CNGA1: variants seen among roughly 807,000 people sequenced by gnomAD.
CNGA1 encodes the protein cyclic nucleotide gated channel subunit alpha 1.
Under a neutral mutation model 69.7 loss-of-function variants are expected in CNGA1, and 53 were observed. That is an observed-to-expected ratio of 0.76 (90% confidence interval 0.61 to 0.96). The LOEUF (loss-of-function observed/expected upper bound fraction) is 0.96, where lower values mean the gene tolerates loss of function less well. Ranked by LOEUF, CNGA1 falls within the 40% of genes least tolerant of loss-of-function variation. CNGA1 has a pLI of 0.00. For missense variants in CNGA1, 739 were observed against 811.2 expected (o/e 0.91, Z 1.08); for synonymous variants, 249 against 283.5 (o/e 0.88, Z 1.22).
chr4:47,945,884 G>C (rs1355268998), intron 6 of CNGA1, among the ~76,000 whole-genome samples: 1 of 152,006 alleles, frequency 6.6e-6, no homozygotes, highest in Non-Finnish European at 1.5e-5. Flanking sequence ...CCCAATTGCA[G>C]CTGACATGTC....
At position 47,971,918 on chromosome 4, in the gene CNGA1, AAC is replaced by A. The variant is rs1491266903; in HGVS notation, c.-15+9473_-15+9474del. ...AAAACAAACAAACAAACAAACAAAC[AAC>A]AACAACAACAACAAAAACCACTGTA... On this transcript the variant is annotated intron_variant, in intron 3 of 10. Transcript: ENST00000514170. Among the ~76,000 whole-genome samples, 7 of 28,514 alleles carry A rather than the reference AAC, an allele frequency of 2.5e-4. No homozygotes were observed. The South Asian group carries it at 5.5e-3, about 22-fold the overall frequency. The allele number at this position is 28,514 out of a possible 152,430, so 18.7% of individuals were successfully genotyped here. A position where few individuals can be genotyped will look rare whatever the true frequency, so the allele number is the denominator to read the frequency against.
chr4:47,976,341 A>G lies in CNGA1; in HGVS notation c.-15+5052T>C, dbSNP rs1050834019. Among the ~76,000 whole-genome samples the G allele has an allele frequency of 8.8e-3, 156 of 17,818 alleles. 5 individuals carry two copies. Among genetic ancestry groups the G allele is most frequent in the Non-Finnish European group, 0.017 (108 of 6,470 alleles). 11.7% of individuals were successfully genotyped at this position (17,818 alleles called of 152,430 possible). A position where few individuals can be genotyped will look rare whatever the true frequency, so the allele number is the denominator to read the frequency against. On this transcript the variant is annotated intron_variant, in intron 3 of 10. Transcript: ENST00000514170. ...TATATATGTATATATATATATACAC[A>G]TATATATATATATGTATATGTGTTT...
rs114987362 is a variant in CNGA1 at position 47,965,330 on chromosome 4, T to C, written c.-14-12627A>G. ...TTTATTAAAGTCTCCTTTGCTCTCA[T>C]AGAAATAATCATATTTTCCTGTGAA... On this transcript the variant is annotated intron_variant, in intron 3 of 10. Coordinates refer to ENST00000514170, the MANE Select transcript of CNGA1 (RefSeq NM_001379270.1). Among the ~76,000 whole-genome samples the C allele has an allele frequency of 9.0e-3, 1,377 of 152,290 alleles. 18 individuals carry two copies. Among genetic ancestry groups the C allele is most frequent in the African/African-American group, 0.03 (1,262 of 41,568 alleles).
At chr4:47,995,531 A>G (rs1742442699) in intron 2 of CNGA1, among the ~76,000 whole-genome samples, 2 of 146,324 alleles carry the variant, frequency 1.4e-5, no homozygotes, top group South Asian at 4.4e-4. Flanking sequence ...CTATTTCATT[A>G]TTTCTCCCTT....
At chr4:47,994,375 A>G (rs1742395408) in intron 2 of CNGA1, among the ~76,000 whole-genome samples, 1 of 152,126 alleles carries the variant, frequency 6.6e-6, no homozygotes, top group African/African-American at 2.4e-5. Flanking sequence ...AGGCGCATAT[A>G]TGTTTAGGAT....
chr4:47,980,638 G>T (rs1182224428), intron 3 of CNGA1, among the ~76,000 whole-genome samples: 1 of 151,544 alleles, frequency 6.6e-6, no homozygotes, highest in Non-Finnish European at 1.5e-5. Context: ...CCACACCTGG[G>T]CTAATTTTTG....
intron 2 of CNGA1, among the ~76,000 whole-genome samples, chr4:47,994,822 T>A (rs1216634789): frequency 6.6e-6 from 1 of 152,188 alleles, no homozygotes; most frequent in Non-Finnish European, 1.5e-5. Context: ...GTTCCCAGGA[T>A]TTGTTTCAAT....
In CNGA1 at chr4:47,936,593, A is replaced by C. The variant is rs199992510; in HGVS notation, c.1889T>G (p.Val630Gly). 15 of 1,614,210 alleles carry C rather than the reference A, an allele frequency of 9.3e-6. No homozygotes were observed. The highest frequency in any genetic ancestry group is 1.0e-5 in the Non-Finnish European group (12 of 1,180,028). The change falls in exon 11 of 11, where the codon GTA (valine) becomes GGA (glycine). Residue 630 changes from valine to glycine, a missense_variant. Physicochemically the swap from Val to Gly is moderately radical, Grantham distance 109. Transcript: ENST00000514170. The part of the protein sequence containing the change: ...EEKVTRMEGS[V>G]DLLQTRFARI... Reference sequence around the variant, plus strand: ...GGCAAACCTGGTTTGCAGGAGGTCTACTGACCCCTCCATTCGAGTAACCTT... The same window carrying C: ...GGCAAACCTGGTTTGCAGGAGGTCTCCTGACCCCTCCATTCGAGTAACCTT...
chr4:47,991,121 G>A (rs1297686447), intron 2 of CNGA1, among the ~76,000 whole-genome samples: 1 of 152,194 alleles, frequency 6.6e-6, no homozygotes, highest in Non-Finnish European at 1.5e-5. Context: ...ATAAGCATGA[G>A]TGTGCAAGTA....
At chr4:47,966,345 G>A (rs1029308423) in intron 3 of CNGA1, among the ~76,000 whole-genome samples, 2 of 152,120 alleles carry the variant, frequency 1.3e-5, no homozygotes, top group Admixed American at 6.5e-5. Context: ...ATATAAAAGG[G>A]CAGAGAAGAT....
In CNGA1 at chr4:47,937,135, G is replaced by T. The variant is rs1738707828; in HGVS notation, c.1347C>A (p.Val449=). 1.9e-6 allele frequency: 3 copies of T among 1,613,998 alleles called. No homozygotes were observed. The highest frequency in any genetic ancestry group is 1.3e-5 in the African/African-American group (1 of 74,910). ...TTAGTTTATCAGGTAGATACTTTAAGACTTCTTTCTCATCAACTGTTTTTT... is the reference window on the plus strand; with the variant it reads ...TTAGTTTATCAGGTAGATACTTTAATACTTCTTTCTCATCAACTGTTTTTT... ...TNKKTVDEKE[V]LKYLPDKLRA... Residue 449 remains valine, a synonymous_variant, in exon 11 of 11, where the codon GTC becomes GTA. Transcript: ENST00000514170.
chr4:47,967,306 A>G (rs1740776863), intron 3 of CNGA1, among the ~76,000 whole-genome samples: 1 of 152,114 alleles, frequency 6.6e-6, no homozygotes, highest in African/African-American at 2.4e-5. Flanking sequence ...CTGTCTCAAA[A>G]AACAAAAAAA....
At chr4:47,993,277 A>C (rs558273259) in intron 2 of CNGA1, among the ~76,000 whole-genome samples, 1 of 151,900 alleles carries the variant, frequency 6.6e-6, no homozygotes, top group East Asian at 1.9e-4. Context: ...CAATTCTTTG[A>C]ATGTTTGGTA....
At chr4:47,995,300 G>A (rs1311254825) in intron 2 of CNGA1, among the ~76,000 whole-genome samples, 1 of 151,896 alleles carries the variant, frequency 6.6e-6, no homozygotes, top group Non-Finnish European at 1.5e-5. Flanking sequence ...CTTAGATTTG[G>A]TTGGTTAACA....
At chr4:47,977,718 A>G (rs775201342) in intron 3 of CNGA1, among the ~76,000 whole-genome samples, 2 of 152,184 alleles carry the variant, frequency 1.3e-5, no homozygotes, top group African/African-American at 4.8e-5. Flanking sequence ...GGTTCATAAA[A>G]AGCAACAAAA....
chr4:47,947,616 GC>G (rs1440862506), intron 6 of CNGA1, among the ~76,000 whole-genome samples: 1 of 152,086 alleles, frequency 6.6e-6, no homozygotes, highest in East Asian at 1.9e-4. Flanking sequence ...GCTGCAGTGA[GC>G]CAAGATTGCA....
chr4:47,948,126 T>C (rs1450596608), intron 6 of CNGA1, among the ~76,000 whole-genome samples: 1 of 152,010 alleles, frequency 6.6e-6, no homozygotes, highest in East Asian at 1.9e-4. Flanking sequence ...ATATGAAGCA[T>C]GATCACTATA....
chr4:48,010,647 A>G (rs1211301082), intron 2 of CNGA1, 147 bp downstream of exon 2: 1 of 154,468 alleles, frequency 6.5e-6, no homozygotes, highest in Non-Finnish European at 1.4e-5. Context: ...GCCGTGGGTC[A>G]TGGAAGAGAA....
chr4:48,015,877 G>A (rs946552417), intron 1 of CNGA1, among the ~76,000 whole-genome samples: 1 of 152,072 alleles, frequency 6.6e-6, no homozygotes, highest in African/African-American at 2.4e-5. Context: ...TGATTACAGG[G>A]GTGAGCCACC....
Sources: gnomAD v4.1 joint callset for allele counts (sites outside exome capture counted in the v4.1 genomes callset) on GRCh38, gnomAD v4.1.1 for gene constraint, MANE v1.5 for transcripts, NCBI Gene and HGNC (gene_info 2026-07-23, HGNC 2026-07-21) for gene names.